LCLAT1: variants seen among roughly 807,000 people sequenced by gnomAD.
LCLAT1 encodes the protein 1-AGP acyltransferase 8.
In LCLAT1, 11 loss-of-function variants were observed where a neutral mutation model predicts 30.7. The observed-to-expected ratio is 0.36, with a 90% confidence interval of 0.23 to 0.59. LCLAT1 has a LOEUF of 0.59. LCLAT1 is among the 20% of genes least tolerant of loss of function. LCLAT1 has a pLI of 0.77. For missense variants in LCLAT1, 402 were observed against 458.6 expected, an observed-to-expected ratio of 0.88 and a Z score of 1.13; for synonymous variants, 155 against 151.3, an observed-to-expected ratio of 1.02 and a Z score of -0.18.
chr2:30,519,312 A>G (rs1685351698), intron 1 of LCLAT1, among the ~76,000 whole-genome samples: 1 of 152,172 alleles, frequency 6.6e-6, no homozygotes, highest in East Asian at 1.9e-4. Context: ...GTCCATGACT[A>G]AGATCTACCG....
At chr2:30,469,347 C>T (rs199743216) in intron 1 of LCLAT1, among the ~76,000 whole-genome samples, 18 of 151,716 alleles carry the variant, frequency 1.2e-4, no homozygotes, top group African/African-American at 3.1e-4. Context: ...CCTTTGTTTT[C>T]GTATAAGAAT....
intron 5 of LCLAT1, among the ~76,000 whole-genome samples, chr2:30,570,526 CA>C (rs555386577): frequency 5.7e-4 from 86 of 152,178 alleles, no homozygotes; most frequent in African/African-American, 2.0e-3. Flanking sequence ...TCTCATTGTG[CA>C]AAACTGAAGC....
chr2:30,459,522 C>G, intron 1 of LCLAT1: 1 of 880,074 alleles, frequency 1.1e-6, no homozygotes, highest in Non-Finnish European at 1.9e-6. Context: ...TCTGCTTTCT[C>G]TTTTTTTCTC....
chr2:30,497,993 G>C (rs553853428), intron 1 of LCLAT1, among the ~76,000 whole-genome samples: 24 of 152,308 alleles, frequency 1.6e-4, no homozygotes, highest in Non-Finnish European at 2.6e-4. Flanking sequence ...TTTAAATCCT[G>C]ACTCTGCTGC....
At chr2:30,455,250 A>G (rs1225617647) in intron 1 of LCLAT1, among the ~76,000 whole-genome samples, 3 of 152,218 alleles carry the variant, frequency 2.0e-5, no homozygotes, top group South Asian at 2.1e-4. Flanking sequence ...TTGTATTTGT[A>G]CTTCAGACTA....
intron 1 of LCLAT1, chr2:30,459,794 G>A: frequency 3.0e-6 from 3 of 990,992 alleles, no homozygotes; most frequent in Non-Finnish European, 1.6e-6. Flanking sequence ...AAAGCTTTTT[G>A]AATTGATCAT....
At chr2:30,564,596 A>C (rs1235097556) in intron 4 of LCLAT1, among the ~76,000 whole-genome samples, 9 of 151,204 alleles carry the variant, frequency 6.0e-5, no homozygotes, top group Non-Finnish European at 1.0e-4. Flanking sequence ...GAGAAAAAAC[A>C]GACTGATCCT....
intron 5 of LCLAT1, among the ~76,000 whole-genome samples, chr2:30,582,592 G>A: frequency 6.6e-6 from 1 of 152,234 alleles, no homozygotes; most frequent in East Asian, 1.9e-4. Context: ...TAGTTTGGAT[G>A]TAAATGCCAT....
intron 5 of LCLAT1, among the ~76,000 whole-genome samples, chr2:30,603,118 A>G (rs1246610995): frequency 2.0e-5 from 3 of 152,146 alleles, no homozygotes; most frequent in Non-Finnish European, 4.4e-5. Context: ...GAAATTTAGC[A>G]TCAATATATA....
intron 1 of LCLAT1, among the ~76,000 whole-genome samples, chr2:30,520,369 A>G (rs1447634104): frequency 6.6e-6 from 1 of 152,240 alleles, no homozygotes; most frequent in Non-Finnish European, 1.5e-5. Flanking sequence ...TAATTGTAAC[A>G]TCTTTATTTT....
intron 1 of LCLAT1, among the ~76,000 whole-genome samples, chr2:30,457,434 AT>A (rs1558448809): frequency 6.6e-6 from 1 of 152,204 alleles, no homozygotes; most frequent in Non-Finnish European, 1.5e-5. Flanking sequence ...TGTAGCTTTC[AT>A]TGTTTTTGAT....
At chr2:30,500,018 TA>T in intron 1 of LCLAT1, among the ~76,000 whole-genome samples, 2 of 152,330 alleles carry the variant, frequency 1.3e-5, no homozygotes, top group Middle Eastern at 6.8e-3. Flanking sequence ...ACCCTGTTAT[TA>T]TTTGTACAAA....
chr2:30,509,617 G>T (rs745426640), intron 1 of LCLAT1, among the ~76,000 whole-genome samples: 1 of 151,594 alleles, frequency 6.6e-6, no homozygotes. Context: ...GTCTCCCCCA[G>T]GCTGGAGTGC....
chr2:30,552,102 C>T (rs1207480282), intron 3 of LCLAT1, among the ~76,000 whole-genome samples: 1 of 152,148 alleles, frequency 6.6e-6, no homozygotes, highest in Non-Finnish European at 1.5e-5. Flanking sequence ...GATTATAGGT[C>T]CTCTCAGTGT....
chr2:30,561,870 A>C (rs2148440789), intron 3 of LCLAT1, among the ~76,000 whole-genome samples: 1 of 152,292 alleles, frequency 6.6e-6, no homozygotes, highest in Non-Finnish European at 1.5e-5. Flanking sequence ...CTAAGGAAAA[A>C]TTCTTTCCTT....
rs1343701057 is a variant in LCLAT1 at position 30,640,261 on chromosome 2, C to T, written c.773C>T (p.Ser258Phe). ...HRYPIDTLPT[S>F]KEDLQLWCHK... is the part of the protein sequence containing the mutation. The stretch of plus-strand genomic sequence containing the variant: ...TATCCAATAGACACCCTCCCCACAT[C>T]CAAGGAGGACCTTCAACTCTGGTGC... Residue 258 changes from serine (S) to phenylalanine (F), a missense_variant, in exon 6 of 6, where the codon TCC becomes TTC. Ser to Phe is a radical substitution (Grantham distance 155, BLOSUM62 -2). Coordinates refer to ENST00000379509, the MANE Select transcript of LCLAT1 (RefSeq NM_001002257.3). 2 of 1,614,186 alleles carry T rather than the reference C, an allele frequency of 1.2e-6. No homozygotes were observed. Among genetic ancestry groups the T allele is most frequent in the East Asian group, 2.2e-5 (1 of 44,886 alleles).
intron 1 of LCLAT1, among the ~76,000 whole-genome samples, chr2:30,472,133 C>T (rs1298897393): frequency 1.3e-5 from 2 of 152,136 alleles, no homozygotes; most frequent in African/African-American, 4.8e-5. Flanking sequence ...GACATAGTCT[C>T]AAAATTGAGA....
intron 3 of LCLAT1, among the ~76,000 whole-genome samples, chr2:30,542,202 A>T (rs1664175152): frequency 3.9e-5 from 6 of 152,118 alleles, no homozygotes; most frequent in Admixed American, 3.3e-4. Context: ...TCTTTCAAAG[A>T]GCAAACTTTA....
intron 1 of LCLAT1, among the ~76,000 whole-genome samples, chr2:30,481,451 A>AG (rs1369506466): frequency 2.7e-5 from 4 of 147,082 alleles, no homozygotes; most frequent in Non-Finnish European, 4.5e-5. Flanking sequence ...CAGCATTTAG[A>AG]GGTCTGGTAG....
Sources: allele counts gnomAD v4.1 joint callset (sites outside exome capture counted in the v4.1 genomes callset), GRCh38; gene constraint gnomAD v4.1.1; transcripts MANE v1.5; gene names NCBI Gene and HGNC (gene_info 2026-07-23, HGNC 2026-07-21).